CNTNAP4: variants seen among roughly 807,000 people sequenced by gnomAD.
CNTNAP4 encodes contactin associated protein family member 4.
In CNTNAP4, 98 loss-of-function variants were observed where a neutral mutation model predicts 148.4. The ratio of observed to expected loss-of-function variants is 0.66; its 90% CI spans 0.56 to 0.78. The LOEUF (loss-of-function observed/expected upper bound fraction) is 0.78, where lower values mean the gene tolerates loss of function less well. CNTNAP4 is among the 30% of genes least tolerant of loss of function. The pLI is 0.00. For missense variants in CNTNAP4, 1,935 were observed against 1,565.6 expected (o/e 1.24, Z -3.98); for synonymous variants, 730 against 565.1 (o/e 1.29, Z -4.14).
At chr16:76,405,039 A>C (rs527819188) in intron 3 of CNTNAP4, among the ~76,000 whole-genome samples, 1 of 151,746 alleles carries the variant, frequency 6.6e-6, no homozygotes, top group Non-Finnish European at 1.5e-5. Context: ...CAAAAAACTT[A>C]TGACAAATGT....
intron 15 of CNTNAP4, among the ~76,000 whole-genome samples, chr16:76,504,012 T>C (rs1219525599): frequency 6.6e-6 from 1 of 152,060 alleles, no homozygotes; most frequent in East Asian, 1.9e-4. Flanking sequence ...TGTCAATTTT[T>C]CCCAAATTTA....
chr16:76,441,847 G>T (rs1310998502), intron 4 of CNTNAP4, among the ~76,000 whole-genome samples: 3 of 152,018 alleles, frequency 2.0e-5, no homozygotes, highest in East Asian at 3.9e-4. Flanking sequence ...ATTGCTAATT[G>T]TGTGTCAGCT....
Position 76,331,093 on chromosome 16 carries a change from G to T in CNTNAP4, c.196+14570G>T, listed in dbSNP as rs577295212. Among the ~76,000 whole-genome samples, 8 of 151,268 alleles carry T rather than the reference G, an allele frequency of 5.3e-5. No homozygotes were observed. In the South Asian group the frequency reaches 1.7e-3, roughly 32 times the overall value. On this transcript the variant is annotated intron_variant, in intron 2 of 23. Transcript: ENST00000611870. ...TTTGTGAAATCACTATATTCATCAG[G>T]TTCCAAAATATGTTCTAAATAGGTT...
intron 10 of CNTNAP4, among the ~76,000 whole-genome samples, chr16:76,475,730 G>C (rs1487148350): frequency 6.6e-6 from 1 of 152,172 alleles, no homozygotes; most frequent in Non-Finnish European, 1.5e-5. Flanking sequence ...AAATTAAGCA[G>C]TCACAACTAT....
chr16:76,328,390 T>G (rs1963201582), intron 2 of CNTNAP4, among the ~76,000 whole-genome samples: 1 of 152,152 alleles, frequency 6.6e-6, no homozygotes, highest in African/African-American at 2.4e-5. Context: ...ATGTTAAGGT[T>G]GTCAAAAAAC....
chr16:76,371,099 GATTCA>G (rs2014768366), intron 3 of CNTNAP4, among the ~76,000 whole-genome samples: 1 of 152,024 alleles, frequency 6.6e-6, no homozygotes, highest in Non-Finnish European at 1.5e-5. Flanking sequence ...ATCAATTATC[GATTCA>G]ATTCTTTATT....
intron 2 of CNTNAP4, among the ~76,000 whole-genome samples, chr16:76,317,906 T>G (rs955635081): frequency 1.3e-5 from 2 of 152,136 alleles, no homozygotes; most frequent in African/African-American, 4.8e-5. Context: ...CAGTGGAGAG[T>G]GAGAACTGAG....
intron 3 of CNTNAP4, among the ~76,000 whole-genome samples, chr16:76,390,688 G>A (rs2016909010): frequency 6.6e-6 from 1 of 152,042 alleles, no homozygotes; most frequent in African/African-American, 2.4e-5. Flanking sequence ...TACTCACCAA[G>A]GTTGTCCCTG....
chr16:76,333,016 A>C (rs1035532), intron 2 of CNTNAP4, among the ~76,000 whole-genome samples: 33,211 of 152,122 alleles, frequency 0.22, 3,879 homozygotes, highest in Admixed American at 0.33. Context: ...TTTCTTACAC[A>C]TGTATTCACT....
intron 3 of CNTNAP4, among the ~76,000 whole-genome samples, chr16:76,413,553 T>A (rs1431124661): frequency 2.0e-5 from 2 of 99,538 alleles, no homozygotes; most frequent in Non-Finnish European, 4.9e-5. Flanking sequence ...TTATAAGACT[T>A]AATATCCAGT....
intron 1 of CNTNAP4, among the ~76,000 whole-genome samples, chr16:76,298,588 G>A (rs551893708): frequency 2.0e-5 from 3 of 149,306 alleles, no homozygotes; most frequent in African/African-American, 4.9e-5. Flanking sequence ...CCACCCAAGC[G>A]GAAGAATTCA....
chr16:76,463,354 T>C (rs111826269), intron 9 of CNTNAP4, among the ~76,000 whole-genome samples: 1,878 of 152,250 alleles, frequency 0.012, 39 homozygotes, highest in African/African-American at 0.039. Context: ...ATCATGAAAA[T>C]AGAATCATCA....
chr16:76,530,496 A>G (rs1046813326), intron 17 of CNTNAP4, among the ~76,000 whole-genome samples: 8 of 152,188 alleles, frequency 5.3e-5, no homozygotes, highest in African/African-American at 1.9e-4. Context: ...GTGATTATTC[A>G]TCAGTGAACA....
chr16:76,318,061 C>A (rs1485503658), intron 2 of CNTNAP4, among the ~76,000 whole-genome samples: 7 of 152,144 alleles, frequency 4.6e-5, no homozygotes, highest in Admixed American at 3.9e-4. Flanking sequence ...GTCCCTGACC[C>A]ATCAGGGGAC....
chr16:76,482,960 G>A (rs2081890410), intron 12 of CNTNAP4, among the ~76,000 whole-genome samples: 1 of 152,172 alleles, frequency 6.6e-6, no homozygotes. Context: ...CATAACAAAT[G>A]TGAGAGGACT....
chr16:76,301,277 A>G (rs973123835), intron 1 of CNTNAP4, among the ~76,000 whole-genome samples: 5 of 152,176 alleles, frequency 3.3e-5, no homozygotes, highest in African/African-American at 9.7e-5. Flanking sequence ...CCATCATCAT[A>G]TTAATAGCTC....
chr16:76,310,702 G>A (rs1174527075), intron 1 of CNTNAP4, among the ~76,000 whole-genome samples: 1 of 152,106 alleles, frequency 6.6e-6, no homozygotes, highest in Non-Finnish European at 1.5e-5. Flanking sequence ...CGATTCATTA[G>A]CAGGCATGCA....
At chr16:76,401,460 G>A (rs1486447243) in intron 3 of CNTNAP4, among the ~76,000 whole-genome samples, 1 of 152,044 alleles carries the variant, frequency 6.6e-6, no homozygotes, top group South Asian at 2.1e-4. Context: ...GATGATGGGG[G>A]TTTCTAGATA....
chr16:76,303,212 C>G (rs539329837), intron 1 of CNTNAP4, among the ~76,000 whole-genome samples: 1 of 151,938 alleles, frequency 6.6e-6, no homozygotes, highest in South Asian at 2.1e-4. Context: ...ATTTTTTTTC[C>G]CTTAGTGAGA....
Sources: allele counts gnomAD v4.1 joint callset (sites outside exome capture counted in the v4.1 genomes callset), GRCh38; gene constraint gnomAD v4.1.1; transcripts MANE v1.5; gene names NCBI Gene and HGNC (gene_info 2026-07-23, HGNC 2026-07-21).